GPCPD1: variants seen among roughly 807,000 people sequenced by gnomAD.
The protein encoded by GPCPD1 is glycerophosphocholine phosphodiesterase 1.
In GPCPD1, 29 loss-of-function variants were observed where a neutral mutation model predicts 89.2. That is an observed-to-expected ratio of 0.33 (90% CI 0.24 to 0.44). The LOEUF (loss-of-function observed/expected upper bound fraction) is 0.44, where lower values mean the gene tolerates loss of function less well. GPCPD1 is among the 20% of genes least tolerant of loss of function. The pLI, the probability that GPCPD1 is intolerant of heterozygous loss-of-function variation, is 1.00. For missense variants in GPCPD1, 594 were observed against 808.9 expected (o/e 0.73, Z 3.22); for synonymous variants, 258 against 266.3 (o/e 0.97, Z 0.30).
intron 7 of GPCPD1, 21 bp from the exon 8 acceptor site, chr20:5,578,632 T>C (rs771319178): frequency 4.1e-6 from 6 of 1,463,688 alleles, no homozygotes; most frequent in Middle Eastern, 1.7e-4. Context: ...AACAAAATAA[T>C]GAGATGCAAG....
At chr20:5,570,964 A>T (rs1986681956) in intron 11 of GPCPD1, among the ~76,000 whole-genome samples, 1 of 152,248 alleles carries the variant, frequency 6.6e-6, no homozygotes, top group Admixed American at 6.5e-5. Context: ...CACCCCTATG[A>T]ATTAATTCAG....
intron 14 of GPCPD1, among the ~76,000 whole-genome samples, chr20:5,565,559 T>C (rs1038977766): frequency 2.0e-5 from 3 of 152,178 alleles, no homozygotes; most frequent in East Asian, 3.8e-4. Context: ...AAGGCTCTTG[T>C]ATGTATTAAA....
At chr20:5,574,317 C>G (rs575426372) in intron 10 of GPCPD1, among the ~76,000 whole-genome samples, 27 of 152,296 alleles carry the variant, frequency 1.8e-4, no homozygotes, top group African/African-American at 6.3e-4. Context: ...CCTTGCAATA[C>G]AGCCTCCAAA....
At chr20:5,575,318 T>C in intron 10 of GPCPD1, 95 bp downstream of exon 10, 1 of 884,244 alleles carries the variant, frequency 1.1e-6, no homozygotes, top group Non-Finnish European at 1.7e-6. Flanking sequence ...TGGTAAATAA[T>C]AAAAACATCA....
intron 1 of GPCPD1, among the ~76,000 whole-genome samples, chr20:5,606,603 T>C (rs1244619744): frequency 2.6e-5 from 4 of 152,186 alleles, no homozygotes; most frequent in Non-Finnish European, 1.5e-5. Flanking sequence ...TATTTGGTAA[T>C]GCCAGGAGGC....
In GPCPD1 at chr20:5,593,412, CTG is replaced by C; in HGVS notation, c.147-3_147-2del. The C allele has an allele frequency of 6.5e-7, 1 of 1,547,078 alleles. No homozygotes were observed. Among genetic ancestry groups the C allele is most frequent in the Non-Finnish European group, 8.9e-7 (1 of 1,121,222 alleles). ...TACAATGGTTGCTTTCCATAGCATG[CTG>C]TGAAGAAAGAAAATTAAAAGCAGCA... On this transcript the variant is annotated splice_acceptor_variant and splice_polypyrimidine_tract_variant and intron_variant, in intron 3 of 19. Coordinates refer to ENST00000379019, the MANE Select transcript of GPCPD1 (RefSeq NM_019593.5). LOFTEE classifies it high-confidence loss of function.
At position 5,575,908 on chromosome 20, in the gene GPCPD1, G is replaced by A; in HGVS notation, c.776C>T (p.Ser259Leu). 1 of 1,602,480 alleles carries A rather than the reference G, an allele frequency of 6.2e-7. No individual in the cohort carries two copies. Among genetic ancestry groups the A allele is most frequent in the South Asian group, 1.1e-5 (1 of 90,808 alleles). The part of the protein sequence containing the change: ...PGHVGTACLL[S>L]STIAESGKSA... The stretch of plus-strand genomic sequence containing the variant: ...CTTTCCACTCTCAGCAATGGTGGAT[G>A]ATAAGAGACAAGCTGTACCCACATG... The change falls in exon 9 of 20, where the codon TCA (serine) becomes TTA (leucine). Residue 259 changes from serine to leucine, a missense_variant. Ser to Leu is a moderately radical substitution (Grantham distance 145, BLOSUM62 -2). Coordinates refer to ENST00000379019, the MANE Select transcript of GPCPD1 (RefSeq NM_019593.5).
At chr20:5,572,471 T>C (rs1256971024) in intron 11 of GPCPD1, among the ~76,000 whole-genome samples, 1 of 152,138 alleles carries the variant, frequency 6.6e-6, no homozygotes, top group Non-Finnish European at 1.5e-5. Context: ...TGTAAACCCA[T>C]TCCAATTTCC....
intron 15 of GPCPD1, among the ~76,000 whole-genome samples, chr20:5,561,955 TA>T (rs1028856845): frequency 2.0e-5 from 3 of 152,262 alleles, no homozygotes; most frequent in Non-Finnish European, 2.9e-5. Context: ...CCATGATGTT[TA>T]GATTGTTTTG....
chr20:5,610,171 G>GCTCT (rs142667790), intron 1 of GPCPD1, among the ~76,000 whole-genome samples: 1 of 152,132 alleles, frequency 6.6e-6, no homozygotes, highest in East Asian at 1.9e-4. Context: ...AGTGATTGAG[G>GCTCT]CTCTCTCTCC....
At chr20:5,577,764 G>A (rs184924856) in intron 8 of GPCPD1, among the ~76,000 whole-genome samples, 191 of 152,150 alleles carry the variant, frequency 1.3e-3, no homozygotes, top group Middle Eastern at 6.8e-3. Flanking sequence ...TACCACTACC[G>A]AGCCAGGCCC....
At chr20:5,609,068 G>A (rs1980781636) in intron 1 of GPCPD1, among the ~76,000 whole-genome samples, 1 of 152,188 alleles carries the variant, frequency 6.6e-6, no homozygotes, top group Non-Finnish European at 1.5e-5. Flanking sequence ...GGGATATGAA[G>A]TAAACCAAGG....
chr20:5,564,772 T>C (rs1044519945), intron 15 of GPCPD1, among the ~76,000 whole-genome samples: 4 of 152,104 alleles, frequency 2.6e-5, no homozygotes, highest in Non-Finnish European at 4.4e-5. Context: ...GCCAAGGAAG[T>C]TGAGGCTGCA....
At chr20:5,552,731 G>GT (rs1402838444) in intron 19 of GPCPD1, among the ~76,000 whole-genome samples, 1 of 152,166 alleles carries the variant, frequency 6.6e-6, no homozygotes, top group Non-Finnish European at 1.5e-5. Flanking sequence ...TAACCAAATA[G>GT]TTTAAAAGGC....
chr20:5,573,512 A>T (rs1986837545), intron 11 of GPCPD1, among the ~76,000 whole-genome samples: 1 of 152,228 alleles, frequency 6.6e-6, no homozygotes, highest in African/African-American at 2.4e-5. Flanking sequence ...ATGCCTTTAG[A>T]AAGATTTGAG....
intron 3 of GPCPD1, among the ~76,000 whole-genome samples, chr20:5,595,206 T>A (rs1045631970): frequency 6.6e-6 from 1 of 152,186 alleles, no homozygotes; most frequent in Non-Finnish European, 1.5e-5. Context: ...TTTTTAAAAA[T>A]CACTGCTTTA....
intron 15 of GPCPD1, among the ~76,000 whole-genome samples, chr20:5,562,353 G>A (rs1347022250): frequency 2.0e-5 from 3 of 152,180 alleles, no homozygotes; most frequent in Admixed American, 1.3e-4. Flanking sequence ...CACAATCTCA[G>A]TTCACTGCAA....
intron 15 of GPCPD1, among the ~76,000 whole-genome samples, chr20:5,564,548 C>T (rs1986267579): frequency 6.6e-6 from 1 of 152,148 alleles, no homozygotes; most frequent in Non-Finnish European, 1.5e-5. Flanking sequence ...ATCTTATTGG[C>T]TGGGTGTGTT....
At chr20:5,581,972 C>A (rs1020226373) in intron 6 of GPCPD1, among the ~76,000 whole-genome samples, 1 of 148,620 alleles carries the variant, frequency 6.7e-6, no homozygotes, top group Non-Finnish European at 1.5e-5. Context: ...ATCACGAGGT[C>A]AGGAGATCGA....
Sources: allele counts gnomAD v4.1 joint callset (sites outside exome capture counted in the v4.1 genomes callset), GRCh38; gene constraint gnomAD v4.1.1; transcripts MANE v1.5; gene names NCBI Gene and HGNC (gene_info 2026-07-23, HGNC 2026-07-21).